DLGAP2: variants seen among roughly 807,000 people sequenced by gnomAD.
The protein encoded by DLGAP2 is DLG associated protein 2.
A neutral mutation model predicts 100.3 loss-of-function variants in DLGAP2; 26 were observed. The ratio of observed to expected loss-of-function variants is 0.26; its 90% CI spans 0.19 to 0.36. DLGAP2 has a LOEUF of 0.36. DLGAP2 is among the 10% of genes least tolerant of loss of function. DLGAP2 has a pLI of 1.00. For missense variants in DLGAP2, 1,858 were observed against 1,453.2 expected (o/e 1.28, Z -4.53); for synonymous variants, 886 against 630.1 (o/e 1.41, Z -6.08).
rs183293107 is a variant in DLGAP2, at chr8:1,598,500, T to C, written c.1443-28240T>C. On this transcript the variant is annotated intron_variant, in intron 6 of 14. Transcript: ENST00000637795. ...CTGTGAATCCATCTGATCCTGGGCT[T>C]TTTTTTGTTGGTAGGCTATTAATTA... is the stretch of plus-strand genomic sequence containing the variant. Among the ~76,000 whole-genome samples the C allele has an allele frequency of 5.3e-5, 8 of 152,260 alleles. No homozygotes were observed. In the East Asian group the frequency reaches 1.5e-3, roughly 29 times the overall value.
chr8:1,373,642 G>T (rs1365049762), intron 3 of DLGAP2: 1 of 152,252 alleles, frequency 6.6e-6, no homozygotes, highest in African/African-American at 2.4e-5. Context: ...CGCTGAAGGG[G>T]TTCCAGTCTC....
intron 3 of DLGAP2, among the ~76,000 whole-genome samples, chr8:1,486,481 G>C (rs545743308): frequency 6.6e-6 from 1 of 152,304 alleles, no homozygotes; most frequent in East Asian, 1.9e-4. Flanking sequence ...TCTGAAAGTA[G>C]TTTGCCTTGG....
At chr8:1,243,556 C>T (rs903055207) in intron 2 of DLGAP2, among the ~76,000 whole-genome samples, 3 of 152,158 alleles carry the variant, frequency 2.0e-5, no homozygotes, top group Non-Finnish European at 4.4e-5. Flanking sequence ...TTTCTTCTCG[C>T]TCACGATATA....
At chr8:859,819 G>A (rs987455173) in intron 1 of DLGAP2, among the ~76,000 whole-genome samples, 9 of 152,138 alleles carry the variant, frequency 5.9e-5, no homozygotes, top group Admixed American at 3.3e-4. Flanking sequence ...AGTGAGGTGC[G>A]GTGTAGGGGC....
rs1802251819 is a variant in DLGAP2 at position 1,563,334 on chromosome 8, G to T, written c.1231-2349G>T. 4.3e-5 allele frequency among the ~76,000 whole-genome samples: 2 copies of T among 46,334 alleles called. 1 individual carries two copies. The highest frequency in any genetic ancestry group is 1.8e-4 in the African/African-American group (2 of 10,972). The allele number at this position is 46,334 out of a possible 152,430, so 30.4% of individuals were successfully genotyped here. On this transcript the variant is annotated intron_variant, in intron 5 of 14. Coordinates refer to ENST00000637795, the MANE Select transcript of DLGAP2 (RefSeq NM_001346810.2). ...GTCCGTGCCTCGTTACTGGGGGGCT[G>T]TGTGGTTTTGGGGTGTCCGCGCCTC...
intron 2 of DLGAP2, among the ~76,000 whole-genome samples, chr8:1,082,522 G>C (rs1394630934): frequency 2.0e-5 from 3 of 152,190 alleles, no homozygotes; most frequent in Non-Finnish European, 4.4e-5. Context: ...AAACTCAGAA[G>C]GAGAGGCACA....
At chr8:1,656,655 G>A (rs1384351731) in intron 8 of DLGAP2, among the ~76,000 whole-genome samples, 5 of 152,174 alleles carry the variant, frequency 3.3e-5, no homozygotes, top group Admixed American at 2.6e-4. Context: ...CTAACAGGGA[G>A]GGACCCATCC....
chr8:1,699,049 G>A (rs2130889728), intron 14 of DLGAP2, among the ~76,000 whole-genome samples: 1 of 152,378 alleles, frequency 6.6e-6, no homozygotes, highest in Admixed American at 6.5e-5. Context: ...TGGATCTGAG[G>A]TGAAGGAGAT....
intron 3 of DLGAP2, among the ~76,000 whole-genome samples, chr8:1,438,574 G>A (rs757707956): frequency 2.0e-5 from 3 of 152,014 alleles, no homozygotes; most frequent in Non-Finnish European, 2.9e-5. Context: ...GGCTGATATC[G>A]AAAATATTTT....
At chr8:1,287,563 TCGG>T (rs72421853) in intron 3 of DLGAP2, among the ~76,000 whole-genome samples, 5 of 122,352 alleles carry the variant, frequency 4.1e-5, no homozygotes, top group Non-Finnish European at 4.9e-5. Context: ...GTGGTTCTGT[TCGG>T]AGGGGAACTA....
chr8:766,952 C>T (rs897762502), intron 1 of DLGAP2, among the ~76,000 whole-genome samples: 5 of 152,174 alleles, frequency 3.3e-5, no homozygotes, highest in Non-Finnish European at 7.4e-5. Flanking sequence ...GGCCATGACT[C>T]AGCAGGAGCA....
At chr8:1,289,259 G>C (rs750291294) in intron 3 of DLGAP2, among the ~76,000 whole-genome samples, 13 of 152,194 alleles carry the variant, frequency 8.5e-5, no homozygotes, top group Non-Finnish European at 1.5e-4. Context: ...CAGTAAGTTT[G>C]CTATAGGATT....
In DLGAP2 at chr8:883,956, A is replaced by C. The variant is rs201797345; in HGVS notation, c.19-23956A>C. Among the ~76,000 whole-genome samples, 3 of 152,220 alleles carry C rather than the reference A, an allele frequency of 2.0e-5. No homozygotes were observed. In the East Asian group the frequency reaches 5.8e-4, roughly 29 times the overall value. ...GCTTCCAGCTTCATCCATGTCCCTG[A>C]AAAGGACATGATCTCTTTGCTTTTT... On this transcript the variant is annotated intron_variant, in intron 1 of 14. Coordinates refer to ENST00000637795, the MANE Select transcript of DLGAP2 (RefSeq NM_001346810.2).
At chr8:806,880 C>A (rs535406959) in intron 1 of DLGAP2, among the ~76,000 whole-genome samples, 202 of 152,238 alleles carry the variant, frequency 1.3e-3, no homozygotes, top group African/African-American at 4.6e-3. Context: ...ATGACTGGGA[C>A]CCCTAAGAGC....
intron 3 of DLGAP2, among the ~76,000 whole-genome samples, chr8:1,286,569 G>C (rs191276470): frequency 6.6e-6 from 1 of 152,288 alleles, no homozygotes; most frequent in East Asian, 1.9e-4. Flanking sequence ...TTGACAGTGA[G>C]AGCTTTCCCC....
intron 2 of DLGAP2, among the ~76,000 whole-genome samples, chr8:1,051,702 G>C (rs1802717925): frequency 6.6e-6 from 1 of 152,098 alleles, no homozygotes; most frequent in Non-Finnish European, 1.5e-5. Flanking sequence ...CACGGAAGCT[G>C]CTTCTTCTCA....
In DLGAP2 at chr8:786,640, G is replaced by C. The variant is rs138049394; in HGVS notation, c.18+48815G>C. On this transcript the variant is annotated intron_variant, in intron 1 of 14. Coordinates refer to ENST00000637795, the MANE Select transcript of DLGAP2 (RefSeq NM_001346810.2). ...CTTCGGGAGAGACGGGCGCTGCCTCGGTGGTGCCTGCAGAGACCTCCGGGG... is the reference window on the plus strand; with the variant it reads ...CTTCGGGAGAGACGGGCGCTGCCTCCGTGGTGCCTGCAGAGACCTCCGGGG... Among the ~76,000 whole-genome samples the C allele has an allele frequency of 4.5e-3, 686 of 152,142 alleles. 1 individual carries two copies. Among genetic ancestry groups the C allele is most frequent in the Non-Finnish European group, 7.3e-3 (497 of 67,988 alleles).
chr8:1,254,886 C>T (rs529689687), intron 2 of DLGAP2, among the ~76,000 whole-genome samples: 1 of 151,452 alleles, frequency 6.6e-6, no homozygotes, highest in East Asian at 2.0e-4. Context: ...CTCTCCTGCC[C>T]GCGTGCTGTG....
chr8:1,007,962 C>A (rs1004300666), intron 2 of DLGAP2, among the ~76,000 whole-genome samples: 6 of 152,174 alleles, frequency 3.9e-5, no homozygotes, highest in Admixed American at 1.3e-4. Context: ...ACAGGACGCC[C>A]TCCATAAAGA....
Sources: allele counts gnomAD v4.1 joint callset (sites outside exome capture counted in the v4.1 genomes callset), GRCh38; gene constraint gnomAD v4.1.1; transcripts MANE v1.5; gene names NCBI Gene and HGNC (gene_info 2026-07-23, HGNC 2026-07-21).